Variants in HMCN1 observed in about 807,000 individuals in gnomAD.
HMCN1 encodes hemicentin-1.
A neutral mutation model predicts 625.9 loss-of-function variants in HMCN1; 321 were observed. That is an observed-to-expected ratio of 0.51 (90% CI 0.47 to 0.56). The LOEUF (loss-of-function observed/expected upper bound fraction) is 0.56. Ranked by LOEUF, HMCN1 falls within the 20% of genes least tolerant of loss-of-function variation. The pLI, the probability that HMCN1 is intolerant of heterozygous loss-of-function variation, is 0.00. For synonymous variants in HMCN1, 2,425 were observed against 2,417.6 expected (o/e 1.00, Z -0.09); for missense variants, 6,588 against 6,887.3 (o/e 0.96, Z 1.54).
chr1:185,760,153 C>T (rs943831443), intron 1 of HMCN1, among the ~76,000 whole-genome samples: 1 of 152,136 alleles, frequency 6.6e-6, no homozygotes. Flanking sequence ...TAAGCTGGAA[C>T]AGACATTTCT....
At chr1:185,852,840 T>A (rs1180721929) in intron 2 of HMCN1, among the ~76,000 whole-genome samples, 2 of 152,106 alleles carry the variant, frequency 1.3e-5, no homozygotes, top group African/African-American at 4.8e-5. Context: ...TTTTGGAATA[T>A]GTGCCTTGCA....
At chr1:186,162,712 T>C (rs1394338126) in intron 97 of HMCN1, among the ~76,000 whole-genome samples, 3 of 152,162 alleles carry the variant, frequency 2.0e-5, no homozygotes, top group South Asian at 2.1e-4. Context: ...TCAGCAGAGG[T>C]GTCTGCAGAA....
intron 2 of HMCN1, among the ~76,000 whole-genome samples, chr1:185,856,024 A>G (rs1272622543): frequency 1.3e-5 from 2 of 152,230 alleles, no homozygotes; most frequent in African/African-American, 2.4e-5. Flanking sequence ...AAAAGCCAGC[A>G]CATGTCACTG....
intron 4 of HMCN1, among the ~76,000 whole-genome samples, chr1:185,891,351 A>T (rs1367494317): frequency 1.4e-5 from 2 of 145,840 alleles, no homozygotes; most frequent in African/African-American, 2.8e-5. Context: ...TGATCCTGTC[A>T]TTATGATGTT....
At chr1:186,057,528 TA>T in intron 46 of HMCN1, 127 bp downstream of exon 46, 1 of 672,442 alleles carries the variant, frequency 1.5e-6, no homozygotes. Flanking sequence ...TAATATTCAC[TA>T]ATCATATTAA....
intron 106 of HMCN1, among the ~76,000 whole-genome samples, chr1:186,188,785 G>GAT (rs1206690420): frequency 1.3e-5 from 2 of 151,616 alleles, no homozygotes; most frequent in Non-Finnish European, 2.9e-5. Flanking sequence ...CAATTGGTCT[G>GAT]ATGGGACATG....
chr1:185,996,617 T>C (rs1652805591), intron 24 of HMCN1, among the ~76,000 whole-genome samples: 1 of 152,016 alleles, frequency 6.6e-6, no homozygotes, highest in Non-Finnish European at 1.5e-5. Context: ...GGGAAACTGG[T>C]ATAGACTATT....
intron 1 of HMCN1, among the ~76,000 whole-genome samples, chr1:185,812,867 T>A (rs1659613241): frequency 1.3e-5 from 2 of 152,138 alleles, no homozygotes; most frequent in Admixed American, 1.3e-4. Context: ...AGACCTAATT[T>A]TTTTATGTAA....
At chr1:186,132,516 C>T (rs571861011) in intron 86 of HMCN1, 107 bp downstream of exon 86, 1 of 859,452 alleles carries the variant, frequency 1.2e-6, no homozygotes, top group South Asian at 1.4e-5. Flanking sequence ...TGGTAGCTCT[C>T]AGAGTGTGTC....
intron 37 of HMCN1, 109 bp downstream of exon 37, chr1:186,038,144 A>G (rs1655958392): frequency 1.4e-6 from 1 of 737,866 alleles, no homozygotes; most frequent in Non-Finnish European, 2.5e-6. Flanking sequence ...AGGTTATAGA[A>G]TACATTTCAT....
rs1303070861 is a variant in HMCN1 at position 186,087,230 on chromosome 1, A to G, written c.9060A>G (p.Leu3020=). ...ATTTACCTACAGGTGGTCGAACTCT[A>G]CAGATTATTCGGGCCAAGGTATCAG... The part of the protein sequence containing the change: ...NTLIVPGGRT[L]QIIRAKVSDG... The change falls in exon 59 of 107, where the codon CTA becomes CTG. Residue 3020 remains leucine (L), a synonymous_variant. Transcript: ENST00000271588. 1.2e-5 allele frequency: 19 copies of G among 1,611,344 alleles called. No homozygotes were observed. The highest frequency in any genetic ancestry group is 1.5e-5 in the Non-Finnish European group (18 of 1,177,870).
Position 185,812,527 on chromosome 1 carries a change from G to A in HMCN1, c.269-33499G>A, listed in dbSNP as rs190425615. ...ATTCATTATATAACATAATATTTGGGATCTGAGAAGTGAAAATTGTAAGTA... is the reference window on the plus strand; with the variant it reads ...ATTCATTATATAACATAATATTTGGAATCTGAGAAGTGAAAATTGTAAGTA... On this transcript the variant is annotated intron_variant, in intron 1 of 106. Coordinates refer to ENST00000271588, the MANE Select transcript of HMCN1 (RefSeq NM_031935.3). 7.7e-4 allele frequency among the ~76,000 whole-genome samples: 117 copies of A among 152,144 alleles called. 1 individual carries two copies. Among genetic ancestry groups the A allele is most frequent in the South Asian group, 4.1e-4 (2 of 4,822 alleles).
At chr1:185,895,997 G>C (rs986592854) in intron 4 of HMCN1, among the ~76,000 whole-genome samples, 1 of 151,304 alleles carries the variant, frequency 6.6e-6, no homozygotes, top group Non-Finnish European at 1.5e-5. Context: ...GTGCAGTGGC[G>C]CAATCTCGGC....
rs757112924 is a variant in HMCN1, at chr1:186,145,428, T to C, written c.14292T>C (p.Ser4764=). The C allele has an allele frequency of 2.5e-6, 4 of 1,590,556 alleles. No individual in the cohort carries two copies. The highest frequency in any genetic ancestry group is 2.3e-5 in the South Asian group (2 of 87,140). The change falls in exon 92 of 107, where the codon AGT becomes AGC. Residue 4764 remains serine (S), a synonymous_variant. Coordinates refer to ENST00000271588, the MANE Select transcript of HMCN1 (RefSeq NM_031935.3). ...CPTHGNWSPW[S]GWGTCSRTCN... ...CCCATGGTAACTGGAGTCCTTGGAG[T>C]GGCTGGGGAACATGCAGCCGGACGT...
intron 1 of HMCN1, among the ~76,000 whole-genome samples, chr1:185,806,450 G>A (rs1659173829): frequency 1.3e-5 from 2 of 151,384 alleles, no homozygotes. Flanking sequence ...AGGAGGCTGA[G>A]GTAGGAGGAT....
intron 15 of HMCN1, among the ~76,000 whole-genome samples, chr1:185,974,613 T>C (rs1651066905): frequency 6.6e-6 from 1 of 152,164 alleles, no homozygotes; most frequent in South Asian, 2.1e-4. Context: ...CTACTCACTG[T>C]AATTCACTTG....
At chr1:186,010,246 C>T (rs557920638) in intron 30 of HMCN1, among the ~76,000 whole-genome samples, 1 of 151,942 alleles carries the variant, frequency 6.6e-6, no homozygotes, top group South Asian at 2.1e-4. Context: ...TCTATACATG[C>T]ATATATATGT....
At chr1:186,183,616 G>A (rs1029198375) in intron 105 of HMCN1, among the ~76,000 whole-genome samples, 1 of 151,990 alleles carries the variant, frequency 6.6e-6, no homozygotes, top group African/African-American at 2.4e-5. Context: ...TATGTCAAGG[G>A]CAATAATTTG....
intron 90 of HMCN1, 34 bp downstream of exon 90, chr1:186,144,377 T>G (rs1326353122): frequency 4.4e-6 from 7 of 1,608,924 alleles, no homozygotes; most frequent in Non-Finnish European, 5.9e-6. Flanking sequence ...CCTTAATAAA[T>G]TAACATCTAC....
Sources: allele counts gnomAD v4.1 joint callset (sites outside exome capture counted in the v4.1 genomes callset), GRCh38; gene constraint gnomAD v4.1.1; transcripts MANE v1.5; gene names NCBI Gene and HGNC (gene_info 2026-07-23, HGNC 2026-07-21).